DNMT1: variants seen among roughly 807,000 people sequenced by gnomAD.
DNMT1 encodes DNA (cytosine-5)-methyltransferase 1.
A neutral mutation model predicts 205.3 loss-of-function variants in DNMT1; 24 were observed. That is an observed-to-expected ratio of 0.12 (90% CI 0.08 to 0.16). The LOEUF (loss-of-function observed/expected upper bound fraction) is 0.16. Ranked by LOEUF, DNMT1 falls within the 10% of genes least tolerant of loss-of-function variation. DNMT1 has a pLI of 1.00. For synonymous variants in DNMT1, 817 were observed against 839.8 expected, an observed-to-expected ratio of 0.97 and a Z score of 0.47; for missense variants, 1,293 against 2,177.7, an observed-to-expected ratio of 0.59 and a Z score of 8.09.
In DNMT1 at chr19:10,146,028, C is replaced by CGA. The variant is rs891392044; in HGVS notation, c.2894+322_2894+323insTC. Among the ~76,000 whole-genome samples, 2 of 152,024 alleles carry CGA rather than the reference C, an allele frequency of 1.3e-5. No homozygotes were observed. Among genetic ancestry groups the CGA allele is most frequent in the African/African-American group, 2.4e-5 (1 of 41,364 alleles). ...ATTTTTAGTAGAGACGAGGTTTCAC[C>CGA]ATGTTGGCCAGGCTGGTCTCAGACT... On this transcript the variant is annotated intron_variant, in intron 28 of 40. Transcript: ENST00000359526. This position sits in a 1 kb window ranked among gnomAD's most constrained non-coding sequence, Gnocchi z 4.4.
intron 7 of DNMT1, among the ~76,000 whole-genome samples, chr19:10,174,324 G>C (rs1360417341): frequency 6.6e-6 from 1 of 152,118 alleles, no homozygotes; most frequent in African/African-American, 2.4e-5. Flanking sequence ...GGTGAGGTGG[G>C]AGGATCGCTT....
At chr19:10,177,933 TA>T (rs937561804) in intron 5 of DNMT1, among the ~76,000 whole-genome samples, 1,534 of 114,900 alleles carry the variant, frequency 0.013, 12 homozygotes, top group African/African-American at 0.03. Context: ...CCCTGTCTCT[TA>T]AAAAAAAAAA....
Position 10,134,113 on chromosome 19 carries a change from C to A in DNMT1, c.4864+104G>T, listed in dbSNP as rs987402160. 1.2e-5 allele frequency: 15 copies of A among 1,250,152 alleles called. No individual in the cohort carries two copies. In the African/African-American group the frequency reaches 2.2e-4, roughly 18 times the overall value. The allele number at this position is 1,250,152 out of a possible 1,614,324, so 77.4% of individuals were successfully genotyped here. ...TGGGGCCACGAACGTGGGTAGGTGA[C>A]CCGCCTGAGTCCCAGAGCCCAAAAC... On this transcript the variant is annotated intron_variant, in intron 40 of 40. Coordinates refer to ENST00000359526, the MANE Select transcript of DNMT1 (RefSeq NM_001130823.3).
chr19:10,171,698 G>A (rs978661381), intron 9 of DNMT1, among the ~76,000 whole-genome samples: 3 of 151,968 alleles, frequency 2.0e-5, no homozygotes, highest in Admixed American at 6.6e-5. Context: ...CCAGCTACTC[G>A]GGAGGCTGAG....
Position 10,156,476 on chromosome 19 carries a change from G to T in DNMT1, c.1314C>A (p.Ile438=), listed in dbSNP as rs201487376. The change falls in exon 18 of 41, where the codon ATC becomes ATA. Residue 438 remains isoleucine, a synonymous_variant. Transcript: ENST00000359526. The surrounding 1 kb of genome is among the most constrained non-coding windows in gnomAD (Gnocchi z 4.2). ...VYCKHGHLCP[I]DTGLIEKNIE... ...TATTCTTCTCGATGAGGCCGGTGTC[G>T]ATGGGACACAGGTGACCGTGCTTAC... is the stretch of plus-strand genomic sequence containing the variant. 15 of 1,613,290 alleles carry T rather than the reference G, an allele frequency of 9.3e-6. No individual in the cohort carries two copies. Among genetic ancestry groups the T allele is most frequent in the Non-Finnish European group, 1.3e-5 (15 of 1,179,562 alleles).
At chr19:10,180,701 T>G in intron 3 of DNMT1, 77 bp downstream of exon 3, 1 of 1,513,802 alleles carries the variant, frequency 6.6e-7, no homozygotes, top group Non-Finnish European at 9.2e-7. Context: ...CTGGGGATCT[T>G]GCTGCCTCCC....
Position 10,137,133 on chromosome 19 carries a change from C to T in DNMT1, c.4441G>A (p.Gly1481Ser), listed in dbSNP as rs1368186167. 3.1e-6 allele frequency: 5 copies of T among 1,611,070 alleles called. No individual in the cohort carries two copies. Among genetic ancestry groups the T allele is most frequent in the African/African-American group, 2.7e-5 (2 of 74,908 alleles). Residue 1481 changes from glycine (G) to serine (S), a missense_variant, in exon 37 of 41, where the codon GGC (glycine) becomes AGC (serine). Gly to Ser is a moderately conservative substitution (Grantham distance 56, BLOSUM62 0). Coordinates refer to ENST00000359526, the MANE Select transcript of DNMT1 (RefSeq NM_001130823.3). This position sits in a 1 kb window ranked among gnomAD's most constrained non-coding sequence, Gnocchi z 6.4. ...CGGAGGGCCCCAGAGCTGCTGCGGC[C>T]GTTCTTCCTGTCATGGTGGGTATAC... ...LRYTHHDRKN[G>S]RSSSGALRGV... is the part of the protein sequence containing the mutation.
chr19:10,182,430 TG>T (rs2039075051), intron 1 of DNMT1, among the ~76,000 whole-genome samples: 6 of 137,834 alleles, frequency 4.4e-5, no homozygotes, highest in Admixed American at 2.3e-4. Context: ...TATATATGTG[TG>T]TATATATATA....
chr19:10,134,529 G>C (rs1271145070), intron 39 of DNMT1, among the ~76,000 whole-genome samples: 1 of 152,244 alleles, frequency 6.6e-6, no homozygotes, highest in African/African-American at 2.4e-5. Context: ...AAGTCACTGG[G>C]CCTTTGAAGA....
intron 10 of DNMT1, among the ~76,000 whole-genome samples, chr19:10,167,359 C>A (rs578126146): frequency 3.2e-4 from 49 of 152,128 alleles, no homozygotes; most frequent in African/African-American, 1.1e-3. Flanking sequence ...CCACACCCAG[C>A]TAATTTTTTG....
In DNMT1 at chr19:10,137,061, G is replaced by A; in HGVS notation, c.4489+24C>T. On this transcript the variant is annotated intron_variant, in intron 37 of 40. Coordinates refer to ENST00000359526, the MANE Select transcript of DNMT1 (RefSeq NM_001130823.3). The surrounding 1 kb of genome is among the most constrained non-coding windows in gnomAD (Gnocchi z 6.4). ...TGCCTTCCTTCCCCTCAGCCCACCG[G>A]GAACCACAACTTACAGGACCCACCT... is the stretch of plus-strand genomic sequence containing the variant. 1 of 1,608,312 alleles carries A rather than the reference G, an allele frequency of 6.2e-7. No individual in the cohort carries two copies. The highest frequency in any genetic ancestry group is 8.5e-7 in the Non-Finnish European group (1 of 1,178,020).
chr19:10,135,207 C>A, intron 39 of DNMT1, among the ~76,000 whole-genome samples: 1 of 106,990 alleles, frequency 9.3e-6, no homozygotes, highest in Admixed American at 1.1e-4. Context: ...AACAAAGCTC[C>A]ATCTCAAAAA....
At chr19:10,150,027 C>T (rs2145295353) in intron 24 of DNMT1, 59 bp from the exon 25 acceptor site, 1 of 1,420,072 alleles carries the variant, frequency 7.0e-7, no homozygotes, top group East Asian at 2.3e-5. Flanking sequence ...CTGGCCTTGA[C>T]TTGCATGGTC....
At position 10,151,090 on chromosome 19, in the gene DNMT1, A is replaced by T. The variant is rs1371824258; in HGVS notation, c.2265+308T>A. ...AGCCTGGGTGACAGAGCAAGATTCCATCTTAAACAAAACAAAACAGAAAAA... is the reference window on the plus strand; with the variant it reads ...AGCCTGGGTGACAGAGCAAGATTCCTTCTTAAACAAAACAAAACAGAAAAA... On this transcript the variant is annotated intron_variant, in intron 24 of 40. Coordinates refer to ENST00000359526, the MANE Select transcript of DNMT1 (RefSeq NM_001130823.3). This position sits in a 1 kb window ranked among gnomAD's most constrained non-coding sequence, Gnocchi z 5.0. Among the ~76,000 whole-genome samples, 1 of 152,110 alleles carries T rather than the reference A, an allele frequency of 6.6e-6. No homozygotes were observed. Among genetic ancestry groups the T allele is most frequent in the Non-Finnish European group, 1.5e-5 (1 of 68,012 alleles).
intron 10 of DNMT1, among the ~76,000 whole-genome samples, chr19:10,167,829 C>G (rs1568244385): frequency 6.6e-6 from 1 of 152,136 alleles, no homozygotes; most frequent in Non-Finnish European, 1.5e-5. Flanking sequence ...GAGAAGGGCC[C>G]TGGGGTTGGG....
At chr19:10,186,529 A>C (rs1482860614) in intron 1 of DNMT1, among the ~76,000 whole-genome samples, 1 of 151,988 alleles carries the variant, frequency 6.6e-6, no homozygotes, top group Non-Finnish European at 1.5e-5. Flanking sequence ...CCCTCTGCAG[A>C]GGGGAGATAA....
Position 10,178,932 on chromosome 19 carries a change from C to A in DNMT1, c.493+1255G>T, listed in dbSNP as rs1008625310. Among the ~76,000 whole-genome samples the A allele has an allele frequency of 2.0e-5, 3 of 151,362 alleles. No homozygotes were observed. In the Admixed American group the frequency reaches 2.0e-4, roughly 10 times the overall value. ...ATGAGGTCAGGAGATCGAAATCATC[C>A]TGGCTAATATGGTGAAATCCCGTCT... On this transcript the variant is annotated intron_variant, in intron 5 of 40. Transcript: ENST00000359526.
intron 1 of DNMT1, chr19:10,194,604 C>A: frequency 1.8e-6 from 1 of 546,676 alleles, no homozygotes. Context: ...CAGGGAGCTA[C>A]GGGGGAATCC....
At chr19:10,173,838 G>C (rs56029583) in intron 8 of DNMT1, 33 bp downstream of exon 8, 2 of 1,612,054 alleles carry the variant, frequency 1.2e-6, no homozygotes, top group South Asian at 2.2e-5. Flanking sequence ...ACAACTCGTA[G>C]AACAAAAAGA....
Sources: allele counts gnomAD v4.1 joint callset (sites outside exome capture counted in the v4.1 genomes callset), GRCh38; gene constraint gnomAD v4.1.1; non-coding constraint Gnocchi (gnomAD v3.1); transcripts MANE v1.5; gene names NCBI Gene and HGNC (gene_info 2026-07-23, HGNC 2026-07-21).